The following RFC3 variants were observed in gnomAD, a reference collection of about 807,000 sequenced individuals.
RFC3 encodes the protein replication factor C subunit 3, also known as A1 38 kDa subunit.
A neutral mutation model predicts 45.1 loss-of-function variants in RFC3; 41 were observed. That is an observed-to-expected ratio of 0.91 (90% CI 0.71 to 1.18). The LOEUF (loss-of-function observed/expected upper bound fraction) is 1.18, where lower values mean the gene tolerates loss of function less well. Among genes scored for constraint, RFC3 ranks in the 50% most tolerant of loss-of-function variants. The pLI, the probability that RFC3 is intolerant of heterozygous loss-of-function variation, is 0.00. For missense variants in RFC3, 423 were observed against 428.1 expected, an observed-to-expected ratio of 0.99 and a Z score of 0.10; for synonymous variants, 149 against 144.0, an observed-to-expected ratio of 1.03 and a Z score of -0.25.
At chr13:33,890,732 A>G (rs2082558392) in intron 8 of RFC3, among the ~76,000 whole-genome samples, 1 of 152,138 alleles carries the variant, frequency 6.6e-6, no homozygotes, top group Non-Finnish European at 1.5e-5. Flanking sequence ...TGAAACTGAG[A>G]TGGTTTCACC....
chr13:33,877,525 C>T (rs1566012954), intron 8 of RFC3, among the ~76,000 whole-genome samples: 1 of 152,128 alleles, frequency 6.6e-6, no homozygotes, highest in Non-Finnish European at 1.5e-5. Context: ...ATTCTACAGG[C>T]TATAGCTTTC....
At chr13:33,850,839 C>T (rs1203483304) in intron 8 of RFC3, 2 of 152,066 alleles carry the variant, frequency 1.3e-5, no homozygotes, top group Non-Finnish European at 2.9e-5. Context: ...GCTCATGAGT[C>T]ACAACTTTTT....
At chr13:33,830,649 G>A (rs1028623143) in intron 5 of RFC3, 70 bp from the exon 6 acceptor site, 1 of 1,277,946 alleles carries the variant, frequency 7.8e-7, no homozygotes, top group Non-Finnish European at 1.1e-6. Context: ...GGGTCTAGGA[G>A]GATATCAACA....
At chr13:33,824,855 G>A (rs1471835631) in intron 3 of RFC3, among the ~76,000 whole-genome samples, 1 of 152,068 alleles carries the variant, frequency 6.6e-6, no homozygotes, top group Non-Finnish European at 1.5e-5. Flanking sequence ...GAGAAATAAG[G>A]TTGTTGGGAA....
intron 8 of RFC3, among the ~76,000 whole-genome samples, chr13:33,872,731 C>T (rs1307594697): frequency 1.3e-5 from 2 of 149,392 alleles, no homozygotes; most frequent in African/African-American, 2.5e-5. Context: ...GAAACTACCT[C>T]TCAATAACAA....
intron 8 of RFC3, among the ~76,000 whole-genome samples, chr13:33,964,918 G>A (rs578084265): frequency 2.5e-4 from 38 of 152,324 alleles, no homozygotes; most frequent in African/African-American, 8.2e-4. Context: ...GACAGACAAC[G>A]AGGAGGGAGT....
intron 8 of RFC3, among the ~76,000 whole-genome samples, chr13:33,937,631 G>A (rs187523170): frequency 2.5e-4 from 38 of 152,198 alleles, no homozygotes; most frequent in South Asian, 8.3e-4. Context: ...TGTAGCATGC[G>A]CATAGAAACA....
intron 8 of RFC3, among the ~76,000 whole-genome samples, chr13:33,926,457 C>T (rs2082814212): frequency 1.3e-5 from 2 of 151,856 alleles, no homozygotes; most frequent in Non-Finnish European, 2.9e-5. Context: ...TGAATATTCC[C>T]CAATAGTTTA....
At chr13:33,875,525 A>G (rs982410216) in intron 8 of RFC3, among the ~76,000 whole-genome samples, 4 of 152,186 alleles carry the variant, frequency 2.6e-5, no homozygotes, top group Admixed American at 2.0e-4. Flanking sequence ...TGAGTAGACA[A>G]TGGTAAAGAG....
chr13:33,841,094 CAT>C (rs1180998200), downstream of RFC3, among the ~76,000 whole-genome samples: 1 of 152,170 alleles, frequency 6.6e-6, no homozygotes, highest in Non-Finnish European at 1.5e-5. Flanking sequence ...ATTAGATTCT[CAT>C]AGGAGTGGGA....
chr13:33,884,822 A>T (rs544585339), intron 8 of RFC3, among the ~76,000 whole-genome samples: 3 of 152,184 alleles, frequency 2.0e-5, no homozygotes, highest in East Asian at 3.9e-4. Flanking sequence ...CTTGCTCGTG[A>T]TTTTGTTATT....
intron 4 of RFC3, among the ~76,000 whole-genome samples, chr13:33,826,738 G>C (rs3135581): frequency 0.07 from 10,566 of 151,912 alleles, 631 homozygotes; most frequent in East Asian, 0.18. Context: ...ATTGTATTTT[G>C]GTAGTTTGAG....
At chr13:33,896,932 G>A (rs1458479507) in intron 8 of RFC3, among the ~76,000 whole-genome samples, 1 of 151,762 alleles carries the variant, frequency 6.6e-6, no homozygotes, top group African/African-American at 2.4e-5. Flanking sequence ...ATCTTATTGA[G>A]ACAAAAGCTG....
chr13:33,904,886 G>A (rs938692451), intron 8 of RFC3, among the ~76,000 whole-genome samples: 4 of 152,098 alleles, frequency 2.6e-5, no homozygotes, highest in African/African-American at 9.7e-5. Flanking sequence ...ACTTCTCAGA[G>A]CCTAAGTATG....
chr13:33,829,987 G>A lies in RFC3; in HGVS notation c.543G>A (p.Ala181=), dbSNP rs767810822. Residue 181 remains alanine (A), a synonymous_variant, in exon 5 of 9, where the codon GCG becomes GCA. Coordinates refer to ENST00000380071, the MANE Select transcript of RFC3 (RefSeq NM_002915.4). The stretch of plus-strand genomic sequence containing the variant: ...CACCTATTCGTAGTAGGTGCTTGGC[G>A]GTTCGTGTGCCTGCTCCCAGCATTG... The part of the protein sequence containing the change: ...VIPPIRSRCL[A]VRVPAPSIED... 9.9e-6 allele frequency: 16 copies of A among 1,613,760 alleles called. No individual in the cohort carries two copies. In the African/African-American group the frequency reaches 1.1e-4, roughly 11 times the overall value.
intron 8 of RFC3, among the ~76,000 whole-genome samples, chr13:33,916,863 T>C (rs1248978582): frequency 1.3e-5 from 2 of 152,186 alleles, no homozygotes; most frequent in African/African-American, 4.8e-5. Context: ...TTAATTACAT[T>C]TGCCAAATGC....
chr13:33,836,989 T>C lies in RFC3; in HGVS notation c.*694T>C, dbSNP rs373246545. ...TTACTCTTTGAACAGGTTTTGTGTT[T>C]TGTCATTAGCTCTGCCCTTTTTAAT... On this transcript the variant is annotated 3_prime_UTR_variant, in exon 9 of 9. Transcript: ENST00000380071. The C allele has an allele frequency of 1.0e-5, 10 of 984,726 alleles. No homozygotes were observed. The highest frequency in any genetic ancestry group is 2.3e-4 in the East Asian group (2 of 8,828). 61.0% of individuals were successfully genotyped at this position (984,726 alleles called of 1,614,324 possible).
chr13:33,955,331 C>T (rs1008076421), intron 8 of RFC3, among the ~76,000 whole-genome samples: 4 of 152,050 alleles, frequency 2.6e-5, no homozygotes, highest in African/African-American at 9.7e-5. Context: ...TGCTTAACAA[C>T]GATATTTGTG....
At chr13:33,913,918 G>A (rs559520409) in intron 8 of RFC3, among the ~76,000 whole-genome samples, 97 of 152,126 alleles carry the variant, frequency 6.4e-4, no homozygotes, top group African/African-American at 2.1e-3. Flanking sequence ...TTATTTTCTT[G>A]CTTTAAAACC....
Sources: gnomAD v4.1 joint callset for allele counts (sites outside exome capture counted in the v4.1 genomes callset) on GRCh38, gnomAD v4.1.1 for gene constraint, MANE v1.5 for transcripts, NCBI Gene and HGNC (gene_info 2026-07-23, HGNC 2026-07-21) for gene names.